LYPLAL1: variants seen among roughly 807,000 people sequenced by gnomAD.
LYPLAL1 encodes lysophospholipase-like protein 1.
In LYPLAL1, 23 loss-of-function variants were observed where a neutral mutation model predicts 19.7. That is an observed-to-expected ratio of 1.17 (90% CI 0.84 to 1.65). LYPLAL1 has a LOEUF of 1.65. Among genes scored for constraint, LYPLAL1 ranks in the 40% most tolerant of loss-of-function variants. LYPLAL1 has a pLI of 0.00. For missense variants in LYPLAL1, 355 were observed against 279.4 expected (o/e 1.27, Z -1.93); for synonymous variants, 119 against 96.3 (o/e 1.24, Z -1.38).
chr1:219,272,309 G>A, the LYPLAL1 span: 2 of 152,248 alleles, frequency 1.3e-5, no homozygotes, highest in South Asian at 4.1e-4. Flanking sequence ...CCTGTGACCA[G>A]TCATTGGCTG....
the LYPLAL1 span, among the ~76,000 whole-genome samples, chr1:219,358,328 T>C: frequency 6.6e-6 from 1 of 152,216 alleles, no homozygotes; most frequent in Non-Finnish European, 1.5e-5. Context: ...CCAAAGAAAC[T>C]GCACAAGTAC....
At chr1:219,358,825 TGTGTGTGTGC>T in the LYPLAL1 span, among the ~76,000 whole-genome samples, 1 of 151,008 alleles carries the variant, frequency 6.6e-6, no homozygotes, top group East Asian at 1.9e-4. Context: ...TTATAGTGCG[TGTGTGTGTGC>T]GTGTGTGTGT....
At chr1:219,399,607 A>G in the LYPLAL1 span, among the ~76,000 whole-genome samples, 1 of 152,082 alleles carries the variant, frequency 6.6e-6, no homozygotes, top group Non-Finnish European at 1.5e-5. Flanking sequence ...GTGCATGGCT[A>G]TGGGGGCCAC....
chr1:219,340,495 G>A, the LYPLAL1 span, among the ~76,000 whole-genome samples: 1 of 151,948 alleles, frequency 6.6e-6, no homozygotes, highest in Non-Finnish European at 1.5e-5. Flanking sequence ...GTGAGGGGAG[G>A]GGAAGTTACA....
At chr1:219,337,312 A>G in the LYPLAL1 span, among the ~76,000 whole-genome samples, 1 of 152,052 alleles carries the variant, frequency 6.6e-6, no homozygotes, top group Non-Finnish European at 1.5e-5. Context: ...TCCATCTAGC[A>G]CAAAGATTGT....
the LYPLAL1 span, among the ~76,000 whole-genome samples, chr1:219,330,986 T>G: frequency 6.6e-6 from 1 of 152,220 alleles, no homozygotes; most frequent in Non-Finnish European, 1.5e-5. Context: ...ATCTGGCTAG[T>G]ATTCCTGCTG....
the LYPLAL1 span, among the ~76,000 whole-genome samples, chr1:219,368,324 G>T: frequency 6.6e-6 from 1 of 152,156 alleles, no homozygotes; most frequent in African/African-American, 2.4e-5. Context: ...GTAGAGACAG[G>T]TAGTTTCTTC....
the LYPLAL1 span, among the ~76,000 whole-genome samples, chr1:219,355,853 C>T: frequency 4.6e-4 from 70 of 152,086 alleles, no homozygotes; most frequent in African/African-American, 1.6e-3. Flanking sequence ...AGCTAAACTA[C>T]ATACTTCTAA....
chr1:219,335,050 A>G, the LYPLAL1 span, among the ~76,000 whole-genome samples: 1 of 151,934 alleles, frequency 6.6e-6, no homozygotes, highest in Non-Finnish European at 1.5e-5. Context: ...ACTTCTCAAA[A>G]CATTTCCTCC....
the LYPLAL1 span, among the ~76,000 whole-genome samples, chr1:219,385,421 A>G: frequency 6.6e-6 from 1 of 152,190 alleles, no homozygotes; most frequent in Non-Finnish European, 1.5e-5. Context: ...GCATTTAGAA[A>G]TAGTTGGCCT....
the LYPLAL1 span, among the ~76,000 whole-genome samples, chr1:219,347,129 TA>T: frequency 6.6e-6 from 1 of 152,210 alleles, no homozygotes; most frequent in African/African-American, 2.4e-5. Flanking sequence ...TTGCTCTTAT[TA>T]ACCATGATTT....
chr1:219,192,865 A>T (rs1173103525), intron 2 of LYPLAL1, among the ~76,000 whole-genome samples: 2 of 151,754 alleles, frequency 1.3e-5, no homozygotes, highest in Non-Finnish European at 3.0e-5. Context: ...GGTAAAGAGG[A>T]TATGAACTGG....
At chr1:219,359,136 C>A in the LYPLAL1 span, among the ~76,000 whole-genome samples, 1 of 152,066 alleles carries the variant, frequency 6.6e-6, no homozygotes, top group African/African-American at 2.4e-5. Flanking sequence ...CAAACAAATT[C>A]CTGGCAATTA....
At chr1:219,315,182 G>T in the LYPLAL1 span, among the ~76,000 whole-genome samples, 1 of 152,180 alleles carries the variant, frequency 6.6e-6, no homozygotes, top group Non-Finnish European at 1.5e-5. Flanking sequence ...TAAAAAGCGT[G>T]ATATGTTATT....
the LYPLAL1 span, among the ~76,000 whole-genome samples, chr1:219,345,897 C>T: frequency 3.9e-5 from 6 of 152,190 alleles, no homozygotes; most frequent in East Asian, 9.6e-4. Flanking sequence ...TACTCACACA[C>T]TCAACGAGTG....
chr1:219,416,213 T>G, the LYPLAL1 span, among the ~76,000 whole-genome samples: 2 of 152,230 alleles, frequency 1.3e-5, no homozygotes, highest in African/African-American at 4.8e-5. Flanking sequence ...ATGTTCTTTT[T>G]CTGTTCCAGG....
chr1:219,307,262 A>G, the LYPLAL1 span, among the ~76,000 whole-genome samples: 9 of 151,796 alleles, frequency 5.9e-5, no homozygotes, highest in African/African-American at 2.2e-4. Context: ...CTTCACATAT[A>G]CCCCTTTTAG....
chr1:219,251,103 A>G, the LYPLAL1 span, among the ~76,000 whole-genome samples: 1 of 151,316 alleles, frequency 6.6e-6, no homozygotes, highest in Non-Finnish European at 1.5e-5. Flanking sequence ...ATGGCTGTTT[A>G]TGTCCTTTGC....
the LYPLAL1 span, among the ~76,000 whole-genome samples, chr1:219,439,144 C>T: frequency 1.3e-5 from 2 of 152,178 alleles, no homozygotes; most frequent in Non-Finnish European, 2.9e-5. Flanking sequence ...AGTCCATCAC[C>T]TGACAAACTC....
Sources: allele counts gnomAD v4.1 joint callset (sites outside exome capture counted in the v4.1 genomes callset), GRCh38; gene constraint gnomAD v4.1.1; transcripts MANE v1.5; gene names NCBI Gene and HGNC (gene_info 2026-07-23, HGNC 2026-07-21).